Variants in FNDC3B observed in about 807,000 individuals in gnomAD.
The protein encoded by FNDC3B is fibronectin type III domain containing 3B.
In FNDC3B, 12 loss-of-function variants were observed where a neutral mutation model predicts 151.5. That is an observed-to-expected ratio of 0.08 (90% CI 0.05 to 0.13). FNDC3B has a LOEUF of 0.13. Among genes scored for constraint, FNDC3B ranks in the 10% least tolerant of loss-of-function variants. The probability of loss-of-function intolerance (pLI) is 1.00; values close to 1 mark genes in which losing one functional copy is unlikely to be tolerated. For missense variants in FNDC3B, 1,214 were observed against 1,505.3 expected, an observed-to-expected ratio of 0.81 and a Z score of 3.20; for synonymous variants, 528 against 549.0, an observed-to-expected ratio of 0.96 and a Z score of 0.54.
chr3:172,358,999 G>C (rs908705986), intron 22 of FNDC3B, among the ~76,000 whole-genome samples: 1 of 138,074 alleles, frequency 7.2e-6, no homozygotes, highest in Non-Finnish European at 1.5e-5. Flanking sequence ...GGTGGTGGTG[G>C]TGGTGGTGGT....
intron 6 of FNDC3B, among the ~76,000 whole-genome samples, chr3:172,272,606 G>A (rs1234041107): frequency 2.0e-5 from 3 of 152,154 alleles, no homozygotes; most frequent in Non-Finnish European, 4.4e-5. Context: ...CACATTTCAG[G>A]AGACTATTCT....
chr3:172,133,253 A>T (rs59602209), intron 2 of FNDC3B, among the ~76,000 whole-genome samples: 3,755 of 152,340 alleles, frequency 0.025, 161 homozygotes, highest in African/African-American at 0.085. Flanking sequence ...AAAGTTAGAT[A>T]GCATCATAAG....
chr3:172,293,175 T>G (rs1373632404), intron 7 of FNDC3B, among the ~76,000 whole-genome samples: 1 of 152,060 alleles, frequency 6.6e-6, no homozygotes, highest in African/African-American at 2.4e-5. Context: ...ATTAAATGAG[T>G]AAACAAAGGC....
intron 1 of FNDC3B, among the ~76,000 whole-genome samples, chr3:172,084,938 C>CT (rs976081219): frequency 5.3e-5 from 8 of 152,050 alleles, no homozygotes; most frequent in Non-Finnish European, 8.8e-5. Context: ...TTTTGCCTTT[C>CT]TTTTTTTGTC....
At chr3:172,346,711 A>G (rs759917262) in intron 20 of FNDC3B, among the ~76,000 whole-genome samples, 1 of 151,662 alleles carries the variant, frequency 6.6e-6, no homozygotes, top group Non-Finnish European at 1.5e-5. Flanking sequence ...TACTTATTTT[A>G]TTTTTTTGTG....
chr3:172,358,954 T>TTGGTGGTGGTGGTGGTGGTGG (rs60325692), intron 22 of FNDC3B, among the ~76,000 whole-genome samples: 3 of 80,610 alleles, frequency 3.7e-5, no homozygotes, highest in Admixed American at 1.6e-4. Context: ...CACAGTTTTC[T>TTGGTGGTGGTGGTGGTGGTGG]TGGTGGTGGT....
At chr3:172,048,621 G>T (rs995665593) in intron 1 of FNDC3B, among the ~76,000 whole-genome samples, 1 of 152,134 alleles carries the variant, frequency 6.6e-6, no homozygotes, top group African/African-American at 2.4e-5. Context: ...GCAAAAGAAA[G>T]CAGGGACTCA....
At chr3:172,359,898 G>C (rs879823356) in intron 22 of FNDC3B, among the ~76,000 whole-genome samples, 1 of 152,146 alleles carries the variant, frequency 6.6e-6, no homozygotes, top group Non-Finnish European at 1.5e-5. Flanking sequence ...TATTTACTAC[G>C]TTCCAAACTA....
chr3:172,211,296 C>T (rs1309681339), intron 3 of FNDC3B, among the ~76,000 whole-genome samples: 1 of 152,134 alleles, frequency 6.6e-6, no homozygotes, highest in Non-Finnish European at 1.5e-5. Context: ...TTGAACTTGG[C>T]GGGATCCTGT....
intron 4 of FNDC3B, among the ~76,000 whole-genome samples, chr3:172,233,569 G>A (rs4287929): frequency 0.25 from 38,398 of 151,976 alleles, 4,953 homozygotes; most frequent in East Asian, 0.44. Flanking sequence ...GGTGGAAGCT[G>A]TGCAATACTT....
At chr3:172,076,677 T>C (rs1010251409) in intron 1 of FNDC3B, among the ~76,000 whole-genome samples, 11 of 109,064 alleles carry the variant, frequency 1.0e-4, no homozygotes, top group African/African-American at 2.8e-4. Context: ...TACAGAAATA[T>C]GAAATTATTT....
In FNDC3B at chr3:172,315,139, G is replaced by A. The variant is rs531026829; in HGVS notation, c.1254+4258G>A. On this transcript the variant is annotated intron_variant, in intron 11 of 25. Transcript: ENST00000415807. ...CGCCTGTAATCCTAGCACTTTGGGA[G>A]GCCCAGACGGGTGGATTGCCTGAGC... is the stretch of plus-strand genomic sequence containing the variant. Among the ~76,000 whole-genome samples the A allele has an allele frequency of 3.9e-5, 6 of 152,296 alleles. No homozygotes were observed. The South Asian group carries it at 1.2e-3, about 32-fold the overall frequency.
chr3:172,194,134 G>T lies in FNDC3B; in HGVS notation c.188-32737G>T, dbSNP rs193228721. Among the ~76,000 whole-genome samples the T allele has an allele frequency of 4.6e-5, 7 of 152,224 alleles. No individual in the cohort carries two copies. In the East Asian group the frequency reaches 1.4e-3, roughly 29 times the overall value. ...ACTTGGGAGGCTGAGGCAGGAGAAC[G>T]GCGTGAACCCGGGGGGCGGAGCCTG... On this transcript the variant is annotated intron_variant, in intron 3 of 25. Coordinates refer to ENST00000415807, the MANE Select transcript of FNDC3B (RefSeq NM_022763.4).
chr3:172,096,061 G>T (rs1015749544), intron 1 of FNDC3B, among the ~76,000 whole-genome samples: 4 of 152,144 alleles, frequency 2.6e-5, no homozygotes, highest in Non-Finnish European at 5.9e-5. Context: ...CGTACATATT[G>T]CCAGTTTGGT....
intron 25 of FNDC3B, among the ~76,000 whole-genome samples, chr3:172,381,658 C>G (rs1268975137): frequency 1.6e-5 from 2 of 127,534 alleles, no homozygotes; most frequent in South Asian, 5.2e-4. Flanking sequence ...GTGTGATGTT[C>G]CCCTCCCTGT....
chr3:172,045,801 T>TAC lies in FNDC3B; in HGVS notation c.-29+6031_-29+6032insCA, dbSNP rs1576813846. On this transcript the variant is annotated intron_variant, in intron 1 of 25. Transcript: ENST00000415807. ...CTCTCTCTCTCTCTCTCTCTATATATATATATACACTTTGCCTTAAAATAT... is the reference window on the plus strand; with the variant it reads ...CTCTCTCTCTCTCTCTCTCTATATATACATATATACACTTTGCCTTAAAATAT... 2.0e-5 allele frequency among the ~76,000 whole-genome samples: 3 copies of TAC among 151,202 alleles called. No individual in the cohort carries two copies. In the East Asian group the frequency reaches 5.8e-4, roughly 29 times the overall value.
In FNDC3B at chr3:172,297,599, T is replaced by C. The variant is rs1477857553; in HGVS notation, c.1002-1129T>C. Among the ~76,000 whole-genome samples, 3 of 152,082 alleles carry C rather than the reference T, an allele frequency of 2.0e-5. No homozygotes were observed. The South Asian group carries it at 6.2e-4, about 31-fold the overall frequency. ...ACGCCATTCTCCTGCCTCAGCCTCC[T>C]GAGTAGGTAGGATTACAGGTGCCCG... On this transcript the variant is annotated intron_variant, in intron 8 of 25. Transcript: ENST00000415807.
intron 4 of FNDC3B, 135 bp downstream of exon 4, chr3:172,227,082 G>A: frequency 4.9e-6 from 3 of 616,656 alleles, no homozygotes; most frequent in East Asian, 5.5e-5. Flanking sequence ...TCATTTTGTG[G>A]CACCACATGG....
intron 1 of FNDC3B, among the ~76,000 whole-genome samples, chr3:172,057,824 A>G (rs1339837688): frequency 2.6e-5 from 4 of 151,928 alleles, no homozygotes; most frequent in Non-Finnish European, 5.9e-5. Flanking sequence ...TGCAGTAGGC[A>G]GGAAATGCTG....
Sources: allele counts gnomAD v4.1 joint callset (sites outside exome capture counted in the v4.1 genomes callset), GRCh38; gene constraint gnomAD v4.1.1; transcripts MANE v1.5; gene names NCBI Gene and HGNC (gene_info 2026-07-23, HGNC 2026-07-21).